MFSD6: variants seen among roughly 807,000 people sequenced by gnomAD.
MFSD6 encodes the protein major facilitator superfamily domain-containing protein 6.
Under a neutral mutation model 56.3 loss-of-function variants are expected in MFSD6, and 26 were observed. The ratio of observed to expected loss-of-function variants is 0.46; its 90% CI spans 0.34 to 0.64. MFSD6 has a LOEUF of 0.64. MFSD6 is among the 30% of genes least tolerant of loss of function. The probability of loss-of-function intolerance (pLI) is 0.01; values close to 1 mark genes in which losing one functional copy is unlikely to be tolerated. For missense variants in MFSD6, 750 were observed against 986.2 expected (o/e 0.76, Z 3.21); for synonymous variants, 331 against 366.9 (o/e 0.90, Z 1.12).
chr2:190,470,503 T>C (rs1012696921), intron 4 of MFSD6, among the ~76,000 whole-genome samples: 1 of 152,184 alleles, frequency 6.6e-6, no homozygotes, highest in Non-Finnish European at 1.5e-5. Flanking sequence ...TTAGCTCATA[T>C]AGTACTGACC....
rs1690850004 is a variant in MFSD6 at position 190,417,965 on chromosome 2, G to GGTT, written c.-54+2554_-54+2555insTGT. Reference sequence around the variant, plus strand: ...CTGACTTTTCATTTAACCCTTTAGTGGTGTGTGTGTGTGTGTGTGTGTGTG... The same window carrying GGTT: ...CTGACTTTTCATTTAACCCTTTAGTGGTTGTGTGTGTGTGTGTGTGTGTGTGTG... On this transcript the variant is annotated intron_variant, in intron 2 of 7. Transcript: ENST00000392328. This position sits in a 1 kb window ranked among gnomAD's most constrained non-coding sequence, Gnocchi z 5.7. Among the ~76,000 whole-genome samples the GGTT allele has an allele frequency of 1.4e-5, 2 of 144,612 alleles. No homozygotes were observed. The highest frequency in any genetic ancestry group is 5.2e-5 in the African/African-American group (2 of 38,504). 94.9% of individuals were successfully genotyped at this position (144,612 alleles called of 152,430 possible). A position where few individuals can be genotyped will look rare whatever the true frequency, so the allele number is the denominator to read the frequency against.
At chr2:190,483,138 C>T (rs1487588459) in intron 4 of MFSD6, among the ~76,000 whole-genome samples, 6 of 150,700 alleles carry the variant, frequency 4.0e-5, no homozygotes, top group East Asian at 2.0e-4. Context: ...GTGATCCACC[C>T]GCCTCGGCCT....
chr2:190,475,889 G>C (rs1174591278), intron 4 of MFSD6, among the ~76,000 whole-genome samples: 1 of 152,034 alleles, frequency 6.6e-6, no homozygotes, highest in African/African-American at 2.4e-5. Context: ...ACAGAACAGA[G>C]CCCTCAGAAA....
chr2:190,471,979 G>T lies in MFSD6; in HGVS notation c.1630+2124G>T, dbSNP rs1262149890. Among the ~76,000 whole-genome samples the T allele has an allele frequency of 6.6e-6, 1 of 152,182 alleles. No individual in the cohort carries two copies. Among genetic ancestry groups the T allele is most frequent in the African/African-American group, 2.4e-5 (1 of 41,432 alleles). ...TTCACTGCTGATACCCAGGCAAACAGGGTCTGGAGTGGACCTCCAGCAAAC... is the reference window on the plus strand; with the variant it reads ...TTCACTGCTGATACCCAGGCAAACATGGTCTGGAGTGGACCTCCAGCAAAC... On this transcript the variant is annotated intron_variant, in intron 4 of 7. Transcript: ENST00000392328. This position sits in a 1 kb window ranked among gnomAD's most constrained non-coding sequence, Gnocchi z 4.7.
In MFSD6 at chr2:190,424,343, A is replaced by T. The variant is rs570724280; in HGVS notation, c.-54+8930A>T. Reference sequence around the variant, plus strand: ...AGACTTAGTTTGAGGTTATTTATTTATTTTTTTTTCAGACAGAGTTTCACT... The same window carrying T: ...AGACTTAGTTTGAGGTTATTTATTTTTTTTTTTTTCAGACAGAGTTTCACT... On this transcript the variant is annotated intron_variant, in intron 2 of 7. Coordinates refer to ENST00000392328, the MANE Select transcript of MFSD6 (RefSeq NM_017694.4). This position sits in a 1 kb window ranked among gnomAD's most constrained non-coding sequence, Gnocchi z 5.9. 3.0e-4 allele frequency among the ~76,000 whole-genome samples: 44 copies of T among 145,282 alleles called. 1 individual carries two copies. The highest frequency in any genetic ancestry group is 6.8e-3 in the Middle Eastern group (2 of 292).
At position 190,499,743 on chromosome 2, in the gene MFSD6, A is replaced by C. The variant is rs1218540796; in HGVS notation, c.2173-272A>C. 4 of 1,324,864 alleles carry C rather than the reference A, an allele frequency of 3.0e-6. No individual in the cohort carries two copies. In the East Asian group the frequency reaches 1.5e-4, roughly 49 times the overall value. 82.1% of individuals were successfully genotyped at this position (1,324,864 alleles called of 1,614,324 possible). ...ATTTGCTGATGTAAACTGTTTACCA[A>C]GTACTAACAGACATTTTGGTAGTAA... On this transcript the variant is annotated intron_variant, in intron 7 of 7. Coordinates refer to ENST00000392328, the MANE Select transcript of MFSD6 (RefSeq NM_017694.4). This position sits in a 1 kb window ranked among gnomAD's most constrained non-coding sequence, Gnocchi z 6.0.
chr2:190,458,598 C>G lies in MFSD6; in HGVS notation c.1533-11160C>G, dbSNP rs1457081546. ...CTTCACCCCAGTTTTAGATTCCCTT[C>G]CCCCCGAGTGCTTGACAGATGGTTA... is the stretch of plus-strand genomic sequence containing the variant. On this transcript the variant is annotated intron_variant, in intron 3 of 7. Coordinates refer to ENST00000392328, the MANE Select transcript of MFSD6 (RefSeq NM_017694.4). The surrounding 1 kb of genome is among the most constrained non-coding windows in gnomAD (Gnocchi z 5.3). 6.6e-6 allele frequency among the ~76,000 whole-genome samples: 1 copy of G among 152,176 alleles called. No individual in the cohort carries two copies. Among genetic ancestry groups the G allele is most frequent in the Non-Finnish European group, 1.5e-5 (1 of 68,032 alleles).
chr2:190,440,542 C>T (rs148906925), intron 3 of MFSD6, among the ~76,000 whole-genome samples: 3 of 152,290 alleles, frequency 2.0e-5, no homozygotes, highest in Non-Finnish European at 4.4e-5. Flanking sequence ...CATTGCTTAA[C>T]ATTTTAGCAG....
chr2:190,450,877 A>G (rs1021865960), intron 3 of MFSD6, among the ~76,000 whole-genome samples: 1 of 152,164 alleles, frequency 6.6e-6, no homozygotes, highest in African/African-American at 2.4e-5. Flanking sequence ...TTTCGGTTAC[A>G]TTTGTCCAGG....
chr2:190,488,740 G>A lies in MFSD6; in HGVS notation c.1714G>A (p.Gly572Ser). The A allele has an allele frequency of 6.2e-7, 1 of 1,610,450 alleles. No individual in the cohort carries two copies. Among genetic ancestry groups the A allele is most frequent in the South Asian group, 1.1e-5 (1 of 90,274 alleles). ...VPPELRTSAQ[G>S]ILQGLHLGLG... ...CCCTGAGCTGAGGACATCTGCTCAG[G>A]GCATCCTGCAGGGCCTTCACCTGGG... Residue 572 changes from glycine (G) to serine (S), a missense_variant, in exon 5 of 8, where the codon GGC (glycine) becomes AGC (serine). By Grantham distance (56) the Gly-to-Ser change is moderately conservative (BLOSUM62 0). Coordinates refer to ENST00000392328, the MANE Select transcript of MFSD6 (RefSeq NM_017694.4). This position sits in a 1 kb window ranked among gnomAD's most constrained non-coding sequence, Gnocchi z 6.4.
intron 6 of MFSD6, among the ~76,000 whole-genome samples, chr2:190,493,956 T>C (rs1416658409): frequency 6.6e-6 from 1 of 150,572 alleles, no homozygotes; most frequent in East Asian, 2.0e-4. Flanking sequence ...CTCAAGGAAC[T>C]AGAGAAACAA....
chr2:190,439,295 A>G lies in MFSD6; in HGVS notation c.1532+1734A>G, dbSNP rs1376302031. On this transcript the variant is annotated intron_variant, in intron 3 of 7. Transcript: ENST00000392328. This position sits in a 1 kb window ranked among gnomAD's most constrained non-coding sequence, Gnocchi z 5.8. The stretch of plus-strand genomic sequence containing the variant: ...TTAGACATCATTATTTAATAAGTCA[A>G]TAGCATGAGTTGAACACTGACTCAG... 6.6e-6 allele frequency among the ~76,000 whole-genome samples: 1 copy of G among 152,166 alleles called. No individual in the cohort carries two copies. Among genetic ancestry groups the G allele is most frequent in the Non-Finnish European group, 1.5e-5 (1 of 68,034 alleles).
rs768319308 is a variant in MFSD6 at position 190,436,449 on chromosome 2, G to A, written c.420G>A (p.Leu140=). The change falls in exon 3 of 8, where the codon TTG becomes TTA. Residue 140 remains leucine, a synonymous_variant. Transcript: ENST00000392328. This position sits in a 1 kb window ranked among gnomAD's most constrained non-coding sequence, Gnocchi z 5.3. ...AAATTGTCCTCCTCTTTTCTCTTTTGTGTTGGGTTTTATTCAACCTGGGCA... is the reference window on the plus strand; with the variant it reads ...AAATTGTCCTCCTCTTTTCTCTTTTATGTTGGGTTTTATTCAACCTGGGCA... ...KGKIVLLFSL[L]CWVLFNLGIG... is the part of the protein sequence containing the mutation. 2 of 1,614,126 alleles carry A rather than the reference G, an allele frequency of 1.2e-6. No individual in the cohort carries two copies. Among genetic ancestry groups the A allele is most frequent in the Non-Finnish European group, 1.7e-6 (2 of 1,180,014 alleles).
Position 190,495,414 on chromosome 2 carries a change from C to T in MFSD6, c.1892-2025C>T, listed in dbSNP as rs1301686460. Among the ~76,000 whole-genome samples, 1 of 152,084 alleles carries T rather than the reference C, an allele frequency of 6.6e-6. No homozygotes were observed. The highest frequency in any genetic ancestry group is 1.5e-5 in the Non-Finnish European group (1 of 68,000). On this transcript the variant is annotated intron_variant, in intron 6 of 7. Coordinates refer to ENST00000392328, the MANE Select transcript of MFSD6 (RefSeq NM_017694.4). The surrounding 1 kb of genome is among the most constrained non-coding windows in gnomAD (Gnocchi z 4.7). ...GGTAGAATCAATATTGTGAAAATGACCATACTGCTAAAAGCAATCTACAAA... is the reference window on the plus strand; with the variant it reads ...GGTAGAATCAATATTGTGAAAATGATCATACTGCTAAAAGCAATCTACAAA...
intron 2 of MFSD6, among the ~76,000 whole-genome samples, chr2:190,428,620 A>G (rs1373862976): frequency 1.3e-5 from 2 of 152,120 alleles, no homozygotes; most frequent in Non-Finnish European, 2.9e-5. Flanking sequence ...TCCTTTGAGT[A>G]TCATGTTGGC....
intron 4 of MFSD6, chr2:190,477,148 T>C (rs1688378791): frequency 3.9e-6 from 2 of 511,718 alleles, no homozygotes; most frequent in South Asian, 1.7e-4. Context: ...GGCACATGTA[T>C]ACATATGTAA....
In MFSD6 at chr2:190,458,402, T is replaced by C. The variant is rs182759828; in HGVS notation, c.1533-11356T>C. 3.7e-3 allele frequency among the ~76,000 whole-genome samples: 556 copies of C among 152,250 alleles called. No homozygotes were observed. Among genetic ancestry groups the C allele is most frequent in the Non-Finnish European group, 6.1e-3 (413 of 68,016 alleles). ...GCGATGACACAGGGAGAGGATGACTTGTCTGCAAGCCAACGAGAGGGGCCC... is the reference window on the plus strand; with the variant it reads ...GCGATGACACAGGGAGAGGATGACTCGTCTGCAAGCCAACGAGAGGGGCCC... On this transcript the variant is annotated intron_variant, in intron 3 of 7. Transcript: ENST00000392328. The surrounding 1 kb of genome is among the most constrained non-coding windows in gnomAD (Gnocchi z 5.3).
At position 190,465,073 on chromosome 2, in the gene MFSD6, C is replaced by T. The variant is rs1218372155; in HGVS notation, c.1533-4685C>T. On this transcript the variant is annotated intron_variant, in intron 3 of 7. Coordinates refer to ENST00000392328, the MANE Select transcript of MFSD6 (RefSeq NM_017694.4). This position sits in a 1 kb window ranked among gnomAD's most constrained non-coding sequence, Gnocchi z 4.6. ...AATACCAGTTTTATTATAAGATAACCACAAATCAGCTTAAACTGCTAATAC... is the reference window on the plus strand; with the variant it reads ...AATACCAGTTTTATTATAAGATAACTACAAATCAGCTTAAACTGCTAATAC... The T allele has an allele frequency of 1.7e-5, 4 of 238,254 alleles. No individual in the cohort carries two copies. The highest frequency in any genetic ancestry group is 2.7e-5 in the Non-Finnish European group (4 of 146,584). The allele number at this position is 238,254 out of a possible 1,614,324, so 14.8% of individuals were successfully genotyped here. A position where few individuals can be genotyped will look rare whatever the true frequency, so the allele number is the denominator to read the frequency against.
At chr2:190,444,475 A>C (rs979745176) in intron 3 of MFSD6, among the ~76,000 whole-genome samples, 6 of 152,262 alleles carry the variant, frequency 3.9e-5, no homozygotes, top group African/African-American at 1.2e-4. Context: ...GCAGTGAAAC[A>C]GGAGTTTACT....
Sources: gnomAD v4.1 joint callset for allele counts (sites outside exome capture counted in the v4.1 genomes callset) on GRCh38, gnomAD v4.1.1 for gene constraint, Gnocchi (gnomAD v3.1) non-coding constraint, MANE v1.5 for transcripts, NCBI Gene and HGNC (gene_info 2026-07-23, HGNC 2026-07-21) for gene names.